FAM162B: variants seen among roughly 807,000 people sequenced by gnomAD.
FAM162B encodes the protein family with sequence similarity 162 member B, also known as protein FAM162B.
A neutral mutation model predicts 20.0 loss-of-function variants in FAM162B; 16 were observed. The ratio of observed to expected loss-of-function variants is 0.80; its 90% CI spans 0.54 to 1.21. The LOEUF (loss-of-function observed/expected upper bound fraction) is 1.21, where lower values mean the gene tolerates loss of function less well. FAM162B is among the 50% of genes most tolerant of loss of function. FAM162B has a pLI of 0.00. For synonymous variants in FAM162B, 83 were observed against 89.7 expected (o/e 0.93, Z 0.42); for missense variants, 260 against 227.5 (o/e 1.14, Z -0.92).
At chr6:116,762,111 A>C in intron 2 of FAM162B, 26 bp from the exon 3 acceptor site, 1 of 1,508,394 alleles carries the variant, frequency 6.6e-7, no homozygotes, top group Non-Finnish European at 9.0e-7. Flanking sequence ...TATTTTGTTA[A>C]ATATGTAAAA....
intron 3 of FAM162B, among the ~76,000 whole-genome samples, chr6:116,758,897 T>C (rs1455196760): frequency 6.6e-6 from 1 of 152,194 alleles, no homozygotes; most frequent in Non-Finnish European, 1.5e-5. Flanking sequence ...TCTATTTGTA[T>C]GTCAGTACTG....
Position 116,765,434 on chromosome 6 carries a change from G to T in FAM162B, c.143C>A (p.Ala48Asp), listed in dbSNP as rs979924187. 2 of 1,445,716 alleles carry T rather than the reference G, an allele frequency of 1.4e-6. No homozygotes were observed. The highest frequency in any genetic ancestry group is 1.8e-6 in the Non-Finnish European group (2 of 1,098,990). The allele number at this position is 1,445,716 out of a possible 1,614,324, so 89.6% of individuals were successfully genotyped here. ...ACCTTGGGGCCCAGAATTGCTGGGG[G>T]CCCCGCCGCTGGAGTAGCAGGGGAG... ...RGLPCYSSGG[A>D]PSNSGPQGHG... Residue 48 changes from alanine (A) to aspartate (D), a missense_variant, in exon 1 of 4, where the codon GCC becomes GAC. Physicochemically the swap from Ala to Asp is moderately radical, Grantham distance 126. Coordinates refer to ENST00000368557, the MANE Select transcript of FAM162B (RefSeq NM_001085480.3).
At position 116,765,428 on chromosome 6, in the gene FAM162B, C is replaced by A; in HGVS notation, c.149G>T (p.Ser50Ile). The change falls in exon 1 of 4, where the codon AGC becomes ATC. Residue 50 changes from serine to isoleucine, a missense_variant. Physicochemically the swap from Ser to Ile is moderately radical, Grantham distance 142 (BLOSUM62 -2). Coordinates refer to ENST00000368557, the MANE Select transcript of FAM162B (RefSeq NM_001085480.3). ...ACCGTGACCTTGGGGCCCAGAATTG[C>A]TGGGGGCCCCGCCGCTGGAGTAGCA... ...LPCYSSGGAP[S>I]NSGPQGHGEI... 1 of 1,446,584 alleles carries A rather than the reference C, an allele frequency of 6.9e-7. No homozygotes were observed. Among genetic ancestry groups the A allele is most frequent in the African/African-American group, 1.4e-5 (1 of 69,268 alleles). 89.6% of individuals were successfully genotyped at this position (1,446,584 alleles called of 1,614,324 possible). A position where few individuals can be genotyped will look rare whatever the true frequency, so the allele number is the denominator to read the frequency against.
intron 3 of FAM162B, among the ~76,000 whole-genome samples, chr6:116,755,321 A>G (rs1040701362): frequency 2.2e-5 from 3 of 135,034 alleles, no homozygotes; most frequent in Admixed American, 7.0e-5. Context: ...GTCTGGAAAG[A>G]AGATCAAACC....
At chr6:116,765,297 C>A in intron 1 of FAM162B, 42 bp from the exon 2 acceptor site, 2 of 1,602,902 alleles carry the variant, frequency 1.2e-6, no homozygotes, top group South Asian at 1.1e-5. Flanking sequence ...AACTGACGCA[C>A]CGGCACAGAG....
At chr6:116,761,142 A>G (rs141905550) in intron 3 of FAM162B, among the ~76,000 whole-genome samples, 91 of 152,280 alleles carry the variant, frequency 6.0e-4, no homozygotes, top group African/African-American at 2.0e-3. Context: ...CTGAAGAAGC[A>G]AATACTCATA....
Position 116,752,709 on chromosome 6 carries a change from GAA to G in FAM162B, c.391-16_391-15del. On this transcript the variant is annotated splice_polypyrimidine_tract_variant and intron_variant, in intron 3 of 3. Coordinates refer to ENST00000368557, the MANE Select transcript of FAM162B (RefSeq NM_001085480.3). ...TCGTTCTACAGCCTGTGGGGGGGAA[GAA>G]ATATATATATATATATATATATAGA... The G allele has an allele frequency of 1.1e-6, 1 of 942,776 alleles. No homozygotes were observed. The highest frequency in any genetic ancestry group is 1.5e-6 in the Non-Finnish European group (1 of 673,140). The allele number at this position is 942,776 out of a possible 1,614,324, so 58.4% of individuals were successfully genotyped here.
intron 3 of FAM162B, 66 bp from the exon 4 acceptor site, chr6:116,752,761 T>TAC: frequency 9.6e-6 from 4 of 415,942 alleles, no homozygotes; most frequent in Non-Finnish European, 1.4e-5. Flanking sequence ...TATATATACA[T>TAC]ATATGTATAT....
In FAM162B at chr6:116,765,512, C is replaced by T; in HGVS notation, c.65G>A (p.Gly22Glu). The T allele has an allele frequency of 1.4e-6, 2 of 1,399,190 alleles. No individual in the cohort carries two copies. The highest frequency in any genetic ancestry group is 1.5e-5 in the African/African-American group (1 of 66,066). The allele number at this position is 1,399,190 out of a possible 1,614,324, so 86.7% of individuals were successfully genotyped here. A position where few individuals can be genotyped will look rare whatever the true frequency, so the allele number is the denominator to read the frequency against. The part of the protein sequence containing the change: ...GRGLTVRCGP[G>E]APLEATRRPA... The stretch of plus-strand genomic sequence containing the variant: ...CCGTCGCGTGGCCTCGAGAGGCGCC[C>T]CGGGGCCGCAGCGGACTGTTAGCCC... The change falls in exon 1 of 4, where the codon GGG (glycine) becomes GAG (glutamate). Residue 22 changes from glycine (G) to glutamate (E), a missense_variant. Coordinates refer to ENST00000368557, the MANE Select transcript of FAM162B (RefSeq NM_001085480.3).
At chr6:116,754,304 A>C (rs1444416120) in intron 3 of FAM162B, among the ~76,000 whole-genome samples, 1 of 152,142 alleles carries the variant, frequency 6.6e-6, no homozygotes, top group Non-Finnish European at 1.5e-5. Flanking sequence ...TGAGGGAGGG[A>C]AGATACTGAT....
intron 3 of FAM162B, among the ~76,000 whole-genome samples, chr6:116,754,679 T>A (rs976226574): frequency 7.3e-6 from 1 of 137,440 alleles, no homozygotes; most frequent in African/African-American, 2.9e-5. Flanking sequence ...ATTGTGACTT[T>A]CTTTCTTTCT....
chr6:116,765,127 G>C lies in FAM162B; in HGVS notation c.281+20C>G. ...CGGCCGGGGACCGACTCTCCTTCGCGCGGCGGTCGCCACACTTACGGGATC... is the reference window on the plus strand; with the variant it reads ...CGGCCGGGGACCGACTCTCCTTCGCCCGGCGGTCGCCACACTTACGGGATC... On this transcript the variant is annotated intron_variant, in intron 2 of 3. Transcript: ENST00000368557. 6.2e-7 allele frequency: 1 copy of C among 1,609,704 alleles called. No individual in the cohort carries two copies. The highest frequency in any genetic ancestry group is 8.5e-7 in the Non-Finnish European group (1 of 1,177,874).
At chr6:116,756,276 G>C (rs909644554) in intron 3 of FAM162B, among the ~76,000 whole-genome samples, 1 of 152,134 alleles carries the variant, frequency 6.6e-6, no homozygotes, top group African/African-American at 2.4e-5. Context: ...ATAACTTTGA[G>C]GGGTTCAAGC....
intron 2 of FAM162B, 101 bp from the exon 3 acceptor site, chr6:116,762,186 G>T: frequency 1.1e-6 from 1 of 900,326 alleles, no homozygotes; most frequent in South Asian, 2.4e-5. Flanking sequence ...AAAATTCCCT[G>T]AATGCAAACT....
intron 2 of FAM162B, 53 bp downstream of exon 2, chr6:116,765,094 C>T: frequency 1.9e-6 from 3 of 1,574,714 alleles, no homozygotes; most frequent in Non-Finnish European, 1.7e-6. Flanking sequence ...GGTCACCCCG[C>T]ACCCTTGCGG....
chr6:116,757,779 G>A (rs1780069721), intron 3 of FAM162B, among the ~76,000 whole-genome samples: 1 of 151,752 alleles, frequency 6.6e-6, no homozygotes, highest in South Asian at 2.1e-4. Flanking sequence ...AAGGGGTGGG[G>A]TGGGGAGACC....
chr6:116,762,018 T>A lies in FAM162B; in HGVS notation c.349A>T (p.Thr117Ser). The change falls in exon 3 of 4, where the codon ACA becomes TCA. Residue 117 changes from threonine to serine, a missense_variant. Physicochemically the swap from Thr to Ser is moderately conservative, Grantham distance 58 (BLOSUM62 1). Transcript: ENST00000368557. Reference protein sequence around the residue: ...VKACYIMIGLTIIACFAVIVS... With the variant: ...VKACYIMIGLSIIACFAVIVS... ...ATCACAGCAAAGCAGGCGATAATTG[T>A]GAGTCCAATCATTATGTAACAAGCT... The A allele has an allele frequency of 1.2e-6, 2 of 1,603,478 alleles. No individual in the cohort carries two copies. The highest frequency in any genetic ancestry group is 1.7e-6 in the Non-Finnish European group (2 of 1,171,994).
rs1771883043 is a variant in FAM162B, at chr6:116,765,138, C to A, written c.281+9G>T. On this transcript the variant is annotated intron_variant, in intron 2 of 3. Coordinates refer to ENST00000368557, the MANE Select transcript of FAM162B (RefSeq NM_001085480.3). ...CGACTCTCCTTCGCGCGGCGGTCGC[C>A]ACACTTACGGGATCCGAGGCGGGAT... The A allele has an allele frequency of 6.2e-7, 1 of 1,612,480 alleles. No individual in the cohort carries two copies. Among genetic ancestry groups the A allele is most frequent in the South Asian group, 1.1e-5 (1 of 91,078 alleles).
At chr6:116,759,586 C>A (rs926080488) in intron 3 of FAM162B, among the ~76,000 whole-genome samples, 1 of 151,988 alleles carries the variant, frequency 6.6e-6, no homozygotes, top group Non-Finnish European at 1.5e-5. Context: ...GGATTACAGG[C>A]GTGAGCCACC....
Sources: gnomAD v4.1 joint callset for allele counts (sites outside exome capture counted in the v4.1 genomes callset) on GRCh38, gnomAD v4.1.1 for gene constraint, MANE v1.5 for transcripts, NCBI Gene and HGNC (gene_info 2026-07-23, HGNC 2026-07-21) for gene names.